ATE1: variants seen among roughly 807,000 people sequenced by gnomAD.
ATE1 encodes the protein arginyltransferase 1, also known as arginyl-tRNA--protein transferase 1.
A neutral mutation model predicts 70.5 loss-of-function variants in ATE1; 36 were observed. That is an observed-to-expected ratio of 0.51 (90% CI 0.39 to 0.67). ATE1 has a LOEUF of 0.67. Among genes scored for constraint, ATE1 ranks in the 30% least tolerant of loss-of-function variants. ATE1 has a pLI of 0.00. For missense variants in ATE1, 593 were observed against 629.5 expected (o/e 0.94, Z 0.62); for synonymous variants, 232 against 219.3 (o/e 1.06, Z -0.51).
intron 6 of ATE1, among the ~76,000 whole-genome samples, chr10:121,900,695 T>C (rs1206529086): frequency 6.6e-6 from 1 of 152,202 alleles, no homozygotes; most frequent in African/African-American, 2.4e-5. Flanking sequence ...AGCTGGAAAC[T>C]GGACATGTGT....
rs184874636 is a variant in ATE1, at chr10:121,902,352, A to C, written c.813+39T>G. On this transcript the variant is annotated intron_variant, in intron 6 of 11. Transcript: ENST00000224652. ...TAAACGATATGCCCAAACAAAAAAA[A>C]ATCATAATAAAACAAACAACAAAAG... The C allele has an allele frequency of 7.2e-5, 112 of 1,545,012 alleles. 1 individual carries two copies. The East Asian group carries it at 1.6e-3, about 22-fold the overall frequency.
intron 5 of ATE1, among the ~76,000 whole-genome samples, chr10:121,909,985 A>C (rs1233819199): frequency 6.6e-6 from 1 of 152,224 alleles, no homozygotes; most frequent in Non-Finnish European, 1.5e-5. Context: ...TCAAGGCTGC[A>C]GTGAGCTATG....
chr10:121,904,304 A>G (rs1951102562), intron 5 of ATE1, among the ~76,000 whole-genome samples: 1 of 151,712 alleles, frequency 6.6e-6, no homozygotes. Context: ...AATGAACATT[A>G]TGCTAGTAAT....
chr10:121,777,067 G>A (rs1453376433), intron 11 of ATE1, among the ~76,000 whole-genome samples: 2 of 152,152 alleles, frequency 1.3e-5, no homozygotes, highest in African/African-American at 2.4e-5. Context: ...AAGATTCAGA[G>A]GTCATAAAAC....
At chr10:121,872,314 T>A (rs751724060) in intron 7 of ATE1, among the ~76,000 whole-genome samples, 2 of 152,186 alleles carry the variant, frequency 1.3e-5, no homozygotes, top group Non-Finnish European at 2.9e-5. Context: ...TGTCACAGCT[T>A]TTTCAAAATA....
chr10:121,752,178 CAG>C (rs1031514427), intron 11 of ATE1, among the ~76,000 whole-genome samples: 3 of 124,906 alleles, frequency 2.4e-5, no homozygotes, highest in African/African-American at 9.0e-5. Context: ...GCCTGGGCGA[CAG>C]AGTGAGACTC....
At chr10:121,906,030 GA>G (rs1951177034) in intron 5 of ATE1, among the ~76,000 whole-genome samples, 2 of 152,146 alleles carry the variant, frequency 1.3e-5, no homozygotes, top group Admixed American at 1.3e-4. Context: ...GATTTAAATA[GA>G]GTTTAGGAGA....
intron 11 of ATE1, among the ~76,000 whole-genome samples, chr10:121,789,338 G>A (rs1051690833): frequency 1.7e-4 from 19 of 113,796 alleles, no homozygotes; most frequent in South Asian, 3.0e-4. Flanking sequence ...TTACACTGTC[G>A]CCCAGGCTGA....
chr10:121,854,252 C>A (rs1049031579), intron 8 of ATE1, among the ~76,000 whole-genome samples: 6 of 152,286 alleles, frequency 3.9e-5, no homozygotes, highest in African/African-American at 1.4e-4. Context: ...TCTAATCTAG[C>A]AATCTCATCT....
intron 7 of ATE1, among the ~76,000 whole-genome samples, chr10:121,874,415 G>A (rs981725029): frequency 1.3e-5 from 2 of 152,096 alleles, no homozygotes; most frequent in African/African-American, 4.8e-5. Flanking sequence ...ATATTTCATT[G>A]CAGACAAATA....
intron 4 of ATE1, among the ~76,000 whole-genome samples, chr10:121,913,531 A>G (rs1470774654): frequency 6.6e-6 from 1 of 152,222 alleles, no homozygotes; most frequent in Non-Finnish European, 1.5e-5. Context: ...GGAAACAGAT[A>G]TTTTGATAAA....
intron 11 of ATE1, among the ~76,000 whole-genome samples, chr10:121,788,335 ACT>A (rs1320571743): frequency 3.3e-5 from 5 of 152,104 alleles, no homozygotes; most frequent in Non-Finnish European, 7.4e-5. Flanking sequence ...GAACTATAAA[ACT>A]CTGGTTATTC....
chr10:121,760,047 A>G (rs530315656), intron 11 of ATE1, among the ~76,000 whole-genome samples: 2 of 152,360 alleles, frequency 1.3e-5, no homozygotes, highest in African/African-American at 2.4e-5. Context: ...TTCTCTTTGC[A>G]GCGTATTTTA....
At chr10:121,921,367 T>C (rs1393031550) in intron 3 of ATE1, among the ~76,000 whole-genome samples, 1 of 151,396 alleles carries the variant, frequency 6.6e-6, no homozygotes, top group African/African-American at 2.4e-5. Flanking sequence ...TAAGCTTTCC[T>C]GTATTAGGCC....
chr10:121,820,991 G>C (rs1242121270), intron 10 of ATE1, among the ~76,000 whole-genome samples: 2 of 152,076 alleles, frequency 1.3e-5, no homozygotes, highest in Non-Finnish European at 2.9e-5. Context: ...GCCCAGGCTG[G>C]AGCGCAGTGG....
At chr10:121,745,348 C>G (rs1344934170) in intron 11 of ATE1, among the ~76,000 whole-genome samples, 1 of 152,118 alleles carries the variant, frequency 6.6e-6, no homozygotes, top group African/African-American at 2.4e-5. Context: ...GGATCCCCTC[C>G]CCGGAGATCC....
intron 11 of ATE1, among the ~76,000 whole-genome samples, chr10:121,785,309 C>T (rs995162812): frequency 4.6e-5 from 7 of 151,990 alleles, no homozygotes; most frequent in Non-Finnish European, 8.8e-5. Flanking sequence ...TTTAAGGGGC[C>T]CTAGGAAGTT....
At chr10:121,815,082 T>G (rs2133516778) in intron 10 of ATE1, among the ~76,000 whole-genome samples, 1 of 152,324 alleles carries the variant, frequency 6.6e-6, no homozygotes, top group East Asian at 1.9e-4. Context: ...ATACTAAAAA[T>G]AAGACCCTAC....
At chr10:121,916,122 G>A (rs1951645777) in intron 3 of ATE1, among the ~76,000 whole-genome samples, 1 of 151,196 alleles carries the variant, frequency 6.6e-6, no homozygotes, top group African/African-American at 2.4e-5. Flanking sequence ...AGCTACTCAG[G>A]AGGCTGAGGC....
Sources: allele counts gnomAD v4.1 joint callset (sites outside exome capture counted in the v4.1 genomes callset), GRCh38; gene constraint gnomAD v4.1.1; transcripts MANE v1.5; gene names NCBI Gene and HGNC (gene_info 2026-07-23, HGNC 2026-07-21).